The following GSE1 variants were observed in gnomAD, a reference collection of about 807,000 sequenced individuals.
GSE1 encodes the protein Gse1 coiled-coil protein, also known as genetic suppressor element 1.
A neutral mutation model predicts 112.6 loss-of-function variants in GSE1; 32 were observed. The observed-to-expected ratio is 0.28, with a 90% confidence interval of 0.21 to 0.38. The LOEUF (loss-of-function observed/expected upper bound fraction) is 0.38. Among genes scored for constraint, GSE1 ranks in the 10% least tolerant of loss-of-function variants. GSE1 has a pLI of 1.00. For synonymous variants in GSE1, 1,115 were observed against 735.6 expected, an observed-to-expected ratio of 1.52 and a Z score of -8.35; for missense variants, 2,348 against 1,699.2, an observed-to-expected ratio of 1.38 and a Z score of -6.71.
At chr16:85,569,703 C>T (rs1013952145) in intron 1 of GSE1, among the ~76,000 whole-genome samples, 9 of 152,168 alleles carry the variant, frequency 5.9e-5, no homozygotes, top group South Asian at 2.1e-4. Context: ...GGATGACTGC[C>T]GTCTCGTGTT....
chr16:85,562,637 G>A (rs1331492254), intron 1 of GSE1, among the ~76,000 whole-genome samples: 1 of 152,272 alleles, frequency 6.6e-6, no homozygotes, highest in Non-Finnish European at 1.5e-5. Context: ...GCCGGGAAGG[G>A]GAGGACGTGT....
At chr16:85,553,121 C>T (rs888070511), upstream of GSE1, among the ~76,000 whole-genome samples, 5 of 151,876 alleles carry the variant, frequency 3.3e-5, no homozygotes, top group Non-Finnish European at 7.4e-5. Context: ...GCGGTCTAAC[C>T]CGCGCTCTGG....
chr16:85,610,309 A>G (rs980500924), upstream of GSE1, among the ~76,000 whole-genome samples: 1 of 152,108 alleles, frequency 6.6e-6, no homozygotes, highest in Non-Finnish European at 1.5e-5. Flanking sequence ...ATGGGAGTGG[A>G]GGGTGGGAAG....
intron 1 of GSE1, among the ~76,000 whole-genome samples, chr16:85,197,727 G>A (rs541075489): frequency 6.6e-6 from 1 of 152,298 alleles, no homozygotes; most frequent in East Asian, 1.9e-4. Context: ...CTTAGAGCAA[G>A]CAACTTCATC....
At chr16:85,262,848 G>A (rs983152082) in intron 1 of GSE1, among the ~76,000 whole-genome samples, 5 of 152,166 alleles carry the variant, frequency 3.3e-5, no homozygotes, top group Non-Finnish European at 5.9e-5. Context: ...AAAAGAACTC[G>A]GCGAGCCTCT....
At chr16:85,565,173 C>G (rs1202108306) in intron 1 of GSE1, among the ~76,000 whole-genome samples, 1 of 151,966 alleles carries the variant, frequency 6.6e-6, no homozygotes, top group Non-Finnish European at 1.5e-5. Context: ...AGGTGGATCA[C>G]GAGGTCACGA....
At chr16:85,462,700 C>CGCGGGAGGGAGGCGGGAG (rs1567506755) in intron 2 of GSE1, among the ~76,000 whole-genome samples, 1 of 86,314 alleles carries the variant, frequency 1.2e-5, no homozygotes, top group African/African-American at 4.5e-5. Context: ...GGCGCCGCGG[C>CGCGGGAGGGAGGCGGGAG]GCGGGAGGGA....
chr16:85,299,791 T>A (rs2045468250), intron 1 of GSE1, among the ~76,000 whole-genome samples: 2 of 151,810 alleles, frequency 1.3e-5, no homozygotes, highest in Non-Finnish European at 1.5e-5. Flanking sequence ...AAGAAAAAAT[T>A]TAGCCAAGTG....
intron 2 of GSE1, among the ~76,000 whole-genome samples, chr16:85,382,416 G>A (rs554185866): frequency 2.9e-4 from 44 of 152,350 alleles, no homozygotes; most frequent in African/African-American, 9.9e-4. Context: ...CTGTTTCAGA[G>A]GCCACATGGT....
At chr16:85,286,781 A>C (rs1204100978) in intron 1 of GSE1, among the ~76,000 whole-genome samples, 2 of 152,046 alleles carry the variant, frequency 1.3e-5, no homozygotes, top group Admixed American at 1.3e-4. Flanking sequence ...GGGAAGTTTA[A>C]AGTCAGACGA....
chr16:85,468,439 C>T (rs908035372), intron 2 of GSE1, among the ~76,000 whole-genome samples: 1 of 151,584 alleles, frequency 6.6e-6, no homozygotes, highest in Non-Finnish European at 1.5e-5. Flanking sequence ...GCCTCAGCCT[C>T]CTGAGTAGCT....
At chr16:85,522,236 C>T (rs547376398) in intron 2 of GSE1, among the ~76,000 whole-genome samples, 2 of 152,226 alleles carry the variant, frequency 1.3e-5, no homozygotes, top group African/African-American at 4.8e-5. Flanking sequence ...GTGGCTTGTC[C>T]AGTATCCCAC....
chr16:85,649,871 C>G (rs866401786), intron 3 of GSE1, among the ~76,000 whole-genome samples: 2 of 152,182 alleles, frequency 1.3e-5, no homozygotes, highest in South Asian at 2.1e-4. Flanking sequence ...CAGGGCCTGT[C>G]TGCCCTCTAT....
intron 1 of GSE1, among the ~76,000 whole-genome samples, chr16:85,320,572 A>C (rs1200102665): frequency 6.6e-6 from 1 of 152,140 alleles, no homozygotes; most frequent in Non-Finnish European, 1.5e-5. Context: ...TGGGATTATA[A>C]GCGTGAGCCA....
intron 15 of GSE1, chr16:85,672,150 C>T (rs953510289): frequency 2.1e-6 from 1 of 469,110 alleles, no homozygotes; most frequent in African/African-American, 2.0e-5. Context: ...AGGTATACGA[C>T]ACCATGCCTG....
At chr16:85,628,117 G>A (rs537379901) in intron 1 of GSE1, among the ~76,000 whole-genome samples, 1 of 152,218 alleles carries the variant, frequency 6.6e-6, no homozygotes, top group Non-Finnish European at 1.5e-5. Context: ...GGGTTCCCCG[G>A]CTCTTGGCCT....
chr16:85,580,548 G>A (rs2046405600), intron 1 of GSE1, among the ~76,000 whole-genome samples: 1 of 152,332 alleles, frequency 6.6e-6, no homozygotes, highest in African/African-American at 2.4e-5. Context: ...CCCCAGCGAT[G>A]CCCAGGGACA....
At chr16:85,598,066 C>T (rs985921445) in intron 1 of GSE1, among the ~76,000 whole-genome samples, 1 of 152,010 alleles carries the variant, frequency 6.6e-6, no homozygotes, top group Non-Finnish European at 1.5e-5. Context: ...CGGAACCTGA[C>T]CCTGGACTGT....
intron 1 of GSE1, among the ~76,000 whole-genome samples, chr16:85,336,216 T>A (rs2046480179): frequency 6.6e-6 from 1 of 152,170 alleles, no homozygotes; most frequent in South Asian, 2.1e-4. Flanking sequence ...CCATTAGCCC[T>A]CCTGACATGC....
Sources: gnomAD v4.1 joint callset for allele counts (sites outside exome capture counted in the v4.1 genomes callset) on GRCh38, gnomAD v4.1.1 for gene constraint, MANE v1.5 for transcripts, NCBI Gene and HGNC (gene_info 2026-07-23, HGNC 2026-07-21) for gene names.